Variants in PSAT1 observed in about 807,000 individuals in gnomAD.
PSAT1 encodes the protein phosphoserine aminotransferase 1.
A neutral mutation model predicts 40.3 loss-of-function variants in PSAT1; 41 were observed. The observed-to-expected ratio is 1.02, with a 90% CI of 0.79 to 1.32. The LOEUF is 1.32. PSAT1 is among the 40% of genes most tolerant of loss of function. The probability of loss-of-function intolerance (pLI) is 0.00; values close to 1 mark genes in which losing one functional copy is unlikely to be tolerated. For synonymous variants in PSAT1, 147 were observed against 170.5 expected (o/e 0.86, Z 1.07); for missense variants, 406 against 455.8 (o/e 0.89, Z 0.99).
At chr9:78,317,635 A>G (rs1828366679) in intron 6 of PSAT1, 41 bp from the exon 7 acceptor site, 2 of 1,608,596 alleles carry the variant, frequency 1.2e-6, no homozygotes, top group Non-Finnish European at 1.7e-6. Flanking sequence ...CTACTTTTGC[A>G]AAGATGAGCT....
chr9:78,327,270 A>G (rs1030023720), intron 7 of PSAT1, among the ~76,000 whole-genome samples: 11 of 151,970 alleles, frequency 7.2e-5, no homozygotes, highest in African/African-American at 2.7e-4. Context: ...CATGACAGCA[A>G]TATTTTAAGA....
chr9:78,318,057 G>A (rs920206469), intron 7 of PSAT1, among the ~76,000 whole-genome samples: 5 of 152,102 alleles, frequency 3.3e-5, no homozygotes, highest in Non-Finnish European at 5.9e-5. Context: ...CAAAGACATC[G>A]CCCTGGGGAA....
chr9:78,325,710 T>G (rs1165672881), intron 7 of PSAT1, among the ~76,000 whole-genome samples: 1 of 152,244 alleles, frequency 6.6e-6, no homozygotes, highest in Non-Finnish European at 1.5e-5. Context: ...TGGAAGCAGT[T>G]AATTTCCCTT....
At chr9:78,326,308 C>T (rs1828496691) in intron 7 of PSAT1, among the ~76,000 whole-genome samples, 1 of 152,060 alleles carries the variant, frequency 6.6e-6, no homozygotes, top group Non-Finnish European at 1.5e-5. Context: ...AGGGTTATTA[C>T]ACATTGTACC....
At chr9:78,307,964 G>A (rs771469443) in intron 5 of PSAT1, among the ~76,000 whole-genome samples, 4 of 152,178 alleles carry the variant, frequency 2.6e-5, no homozygotes, top group African/African-American at 4.8e-5. Flanking sequence ...GCTTGAACCC[G>A]GGAGGCAGAG....
chr9:78,298,771 CT>C (rs1285340080), intron 1 of PSAT1, among the ~76,000 whole-genome samples: 2 of 151,956 alleles, frequency 1.3e-5, no homozygotes, highest in East Asian at 3.9e-4. Flanking sequence ...TATGTATTTC[CT>C]TGATTTAGTT....
intron 7 of PSAT1, among the ~76,000 whole-genome samples, chr9:78,326,891 A>C (rs1170726953): frequency 6.7e-6 from 1 of 148,440 alleles, no homozygotes; most frequent in African/African-American, 2.5e-5. Context: ...TGGCTGGGAC[A>C]CTTATCTCCA....
intron 3 of PSAT1, among the ~76,000 whole-genome samples, chr9:78,304,412 G>C (rs1464993520): frequency 6.6e-6 from 1 of 152,180 alleles, no homozygotes; most frequent in South Asian, 2.1e-4. Flanking sequence ...CTTGAGCCAG[G>C]GTTGACCACA....
At chr9:78,327,989 A>G (rs1030885842) in intron 7 of PSAT1, 62 bp from the exon 8 acceptor site, 2 of 1,564,524 alleles carry the variant, frequency 1.3e-6, no homozygotes. Context: ...AAATCTGTTG[A>G]TTTGTTTATG....
chr9:78,321,584 A>T (rs1362934244), intron 7 of PSAT1, among the ~76,000 whole-genome samples: 1 of 151,920 alleles, frequency 6.6e-6, no homozygotes, highest in African/African-American at 2.4e-5. Flanking sequence ...GCTCCTTAAC[A>T]TAGTTCCAGG....
intron 6 of PSAT1, among the ~76,000 whole-genome samples, chr9:78,315,430 C>T (rs868357260): frequency 7.2e-5 from 11 of 152,222 alleles, no homozygotes; most frequent in Admixed American, 1.3e-4. Flanking sequence ...CAGTAGACTT[C>T]AGGAAGTACT....
chr9:78,324,174 C>T (rs1260380596), intron 7 of PSAT1, among the ~76,000 whole-genome samples: 3 of 152,136 alleles, frequency 2.0e-5, no homozygotes, highest in African/African-American at 4.8e-5. Context: ...GGGAACACTG[C>T]GTTCCTGTCT....
intron 7 of PSAT1, among the ~76,000 whole-genome samples, chr9:78,321,637 AGGGAATTCT>A (rs1187858377): frequency 6.6e-6 from 1 of 151,928 alleles, no homozygotes; most frequent in African/African-American, 2.4e-5. Flanking sequence ...TGACCTTGGC[AGGGAATTCT>A]GGGACTAGAT....
intron 2 of PSAT1, among the ~76,000 whole-genome samples, chr9:78,301,442 G>A (rs181886584): frequency 1.2e-3 from 185 of 152,244 alleles, no homozygotes; most frequent in African/African-American, 4.3e-3. Flanking sequence ...GAGGACCTCT[G>A]CATTCTAAAA....
chr9:78,299,552 C>T (rs1304158359), intron 1 of PSAT1, among the ~76,000 whole-genome samples: 5 of 122,058 alleles, frequency 4.1e-5, no homozygotes, highest in Non-Finnish European at 6.4e-5. Context: ...CAAGCTCTGT[C>T]ACGAGGCTGG....
chr9:78,301,115 C>T (rs956482693), intron 2 of PSAT1, among the ~76,000 whole-genome samples: 2 of 152,004 alleles, frequency 1.3e-5, no homozygotes, highest in African/African-American at 4.8e-5. Flanking sequence ...TTTATAGATA[C>T]ATTTTTAAAC....
intron 7 of PSAT1, among the ~76,000 whole-genome samples, chr9:78,325,028 A>T (rs1298278406): frequency 1.3e-5 from 2 of 152,076 alleles, no homozygotes; most frequent in Non-Finnish European, 1.5e-5. Context: ...AACCCATAGC[A>T]TGAGACATTA....
chr9:78,308,785 G>A (rs1025986982), intron 6 of PSAT1, among the ~76,000 whole-genome samples: 13 of 152,212 alleles, frequency 8.5e-5, no homozygotes, highest in African/African-American at 2.6e-4. Context: ...GTGAAACCCT[G>A]TCTTTACCAA....
chr9:78,307,266 G>A (rs920026805), intron 5 of PSAT1, among the ~76,000 whole-genome samples: 10 of 152,096 alleles, frequency 6.6e-5, no homozygotes, highest in African/African-American at 2.4e-4. Context: ...ACTACTCTAG[G>A]TATCTCCTAG....
Sources: allele counts gnomAD v4.1 joint callset (sites outside exome capture counted in the v4.1 genomes callset), GRCh38; gene constraint gnomAD v4.1.1; transcripts MANE v1.5; gene names NCBI Gene and HGNC (gene_info 2026-07-23, HGNC 2026-07-21).